The following UBAP2 variants were observed in gnomAD, a reference collection of about 807,000 sequenced individuals.
The protein encoded by UBAP2 is ubiquitin associated protein 2.
UBAP2 carries 75 observed loss-of-function variants against 139.6 expected under a neutral mutation model. That is an observed-to-expected ratio of 0.54 (90% CI 0.45 to 0.65). UBAP2 has a LOEUF of 0.65. Ranked by LOEUF, UBAP2 falls within the 30% of genes least tolerant of loss-of-function variation. The pLI is 0.00. For missense variants in UBAP2, 1,368 were observed against 1,369.6 expected (o/e 1.00, Z 0.02); for synonymous variants, 526 against 526.2 (o/e 1.00, Z 0.01).
At chr9:34,047,384 G>A (rs10117410) in intron 1 of UBAP2, among the ~76,000 whole-genome samples, 122,980 of 152,144 alleles carry the variant, frequency 0.81, 49,823 homozygotes, top group Middle Eastern at 0.87. Context: ...GTGTATTGAA[G>A]GAAACTATCA....
intron 22 of UBAP2, among the ~76,000 whole-genome samples, chr9:33,925,645 G>A (rs569939269): frequency 6.6e-5 from 10 of 152,260 alleles, no homozygotes; most frequent in Admixed American, 3.9e-4. Context: ...AAGCCGCTCC[G>A]CTCCCAGGCT....
Position 33,926,683 on chromosome 9 carries a change from G to C in UBAP2, c.2464-19C>G. 6.2e-7 allele frequency: 1 copy of C among 1,614,144 alleles called. No homozygotes were observed. The highest frequency in any genetic ancestry group is 8.5e-7 in the Non-Finnish European group (1 of 1,179,966). On this transcript the variant is annotated intron_variant, in intron 21 of 28. Transcript: ENST00000379238. ...CATAGATCTGTGTGAGAACCAGAAA[G>C]TGTATTTTAGGAACCACATACCACA...
chr9:33,990,294 A>G (rs1240889058), intron 4 of UBAP2, among the ~76,000 whole-genome samples: 1 of 152,194 alleles, frequency 6.6e-6, no homozygotes. Context: ...AAAATTTGAC[A>G]TTATATATCC....
At chr9:33,930,642 A>C (rs887257601) in intron 19 of UBAP2, among the ~76,000 whole-genome samples, 46 of 152,254 alleles carry the variant, frequency 3.0e-4, no homozygotes, top group African/African-American at 1.0e-3. Flanking sequence ...TCACGCCTGT[A>C]ATCCCACCAC....
chr9:34,009,241 G>A (rs1220027430), intron 2 of UBAP2, among the ~76,000 whole-genome samples: 1 of 151,548 alleles, frequency 6.6e-6, no homozygotes, highest in Non-Finnish European at 1.5e-5. Flanking sequence ...TGGGATTACA[G>A]GTGCACACCA....
intron 2 of UBAP2, among the ~76,000 whole-genome samples, chr9:34,001,275 G>A (rs1479845847): frequency 1.3e-5 from 2 of 152,310 alleles, no homozygotes; most frequent in East Asian, 3.9e-4. Flanking sequence ...TTGCAATCCA[G>A]GACATACATA....
intron 8 of UBAP2, chr9:33,968,280 C>A: frequency 3.2e-6 from 2 of 615,472 alleles, no homozygotes; most frequent in South Asian, 2.7e-5. Context: ...ATATACTGTC[C>A]ATTTACTCTG....
intron 9 of UBAP2, among the ~76,000 whole-genome samples, chr9:33,961,865 G>A (rs1345250646): frequency 2.0e-5 from 3 of 152,140 alleles, no homozygotes; most frequent in Non-Finnish European, 4.4e-5. Context: ...TAAGTAAAAT[G>A]ATGATTGTTT....
intron 1 of UBAP2, among the ~76,000 whole-genome samples, chr9:34,037,791 T>C (rs1379438863): frequency 6.6e-6 from 1 of 151,790 alleles, no homozygotes; most frequent in East Asian, 1.9e-4. Context: ...CCTGACTGGA[T>C]GGGAAAAGAG....
chr9:33,987,870 A>G (rs1309406964), intron 5 of UBAP2, among the ~76,000 whole-genome samples: 1 of 152,218 alleles, frequency 6.6e-6, no homozygotes, highest in Non-Finnish European at 1.5e-5. Flanking sequence ...GAAAAACTAA[A>G]GTGTTGGAGT....
chr9:34,026,916 A>G (rs1305049177), intron 1 of UBAP2, among the ~76,000 whole-genome samples: 1 of 152,170 alleles, frequency 6.6e-6, no homozygotes, highest in African/African-American at 2.4e-5. Context: ...TTCTTCTTCT[A>G]TACAACAGCA....
intron 6 of UBAP2, among the ~76,000 whole-genome samples, chr9:33,981,839 G>C (rs992088298): frequency 1.5e-5 from 2 of 134,264 alleles, no homozygotes; most frequent in African/African-American, 5.7e-5. Flanking sequence ...AGGAGGGAAG[G>C]GGGGAAAGGG....
At chr9:34,016,285 G>A (rs1280414741) in intron 2 of UBAP2, among the ~76,000 whole-genome samples, 3 of 17,314 alleles carry the variant, frequency 1.7e-4, no homozygotes, top group Non-Finnish European at 5.4e-4. Flanking sequence ...GGAGGAAGAG[G>A]AGGAGGAGGA....
In UBAP2 at chr9:34,008,538, G is replaced by C. The variant is rs569850860; in HGVS notation, c.99+8512C>G. On this transcript the variant is annotated intron_variant, in intron 2 of 28. Coordinates refer to ENST00000379238, the MANE Select transcript of UBAP2 (RefSeq NM_001370062.2). ...GCAGACGGATCACCTGAGGTCAGGA[G>C]TTCCAGACCAGCCTGGCCAACATGA... 3.0e-4 allele frequency among the ~76,000 whole-genome samples: 46 copies of C among 151,924 alleles called. No individual in the cohort carries two copies. The South Asian group carries it at 8.8e-3, about 29-fold the overall frequency.
intron 6 of UBAP2, among the ~76,000 whole-genome samples, chr9:33,977,249 G>A (rs1820215378): frequency 6.6e-6 from 1 of 151,758 alleles, no homozygotes; most frequent in African/African-American, 2.4e-5. Flanking sequence ...ATTTTGGCCA[G>A]GCTGGTCTCA....
intron 6 of UBAP2, among the ~76,000 whole-genome samples, chr9:33,976,583 G>A (rs1162496455): frequency 6.6e-6 from 1 of 152,190 alleles, no homozygotes; most frequent in African/African-American, 2.4e-5. Context: ...CTTCTGCGGT[G>A]TGGAAAATGT....
At chr9:34,039,207 C>T (rs1239739763) in intron 1 of UBAP2, among the ~76,000 whole-genome samples, 3 of 151,298 alleles carry the variant, frequency 2.0e-5, no homozygotes, top group African/African-American at 7.3e-5. Context: ...CAGCCCCCGC[C>T]CGGCCAGCCG....
chr9:33,956,259 A>G (rs557708946), intron 10 of UBAP2, 113 bp from the exon 11 acceptor site: 1 of 633,948 alleles, frequency 1.6e-6, no homozygotes, highest in East Asian at 2.9e-5. Context: ...CATAACAGCT[A>G]TTCTAAAGAA....
chr9:34,032,851 G>A (rs1587691264), intron 1 of UBAP2, among the ~76,000 whole-genome samples: 1 of 150,900 alleles, frequency 6.6e-6, no homozygotes, highest in East Asian at 1.9e-4. Context: ...TTGAACCTAG[G>A]AGGCAGAGGT....
Sources: allele counts gnomAD v4.1 joint callset (sites outside exome capture counted in the v4.1 genomes callset), GRCh38; gene constraint gnomAD v4.1.1; transcripts MANE v1.5; gene names NCBI Gene and HGNC (gene_info 2026-07-23, HGNC 2026-07-21).